The following ZNF616 variants were observed in gnomAD, a reference collection of about 807,000 sequenced individuals.
ZNF616 encodes the protein zinc finger protein 616.
Under a neutral mutation model 7.6 loss-of-function variants are expected in ZNF616, and 5 were observed. The ratio of observed to expected loss-of-function variants is 0.66; its 90% confidence interval spans 0.34 to 1.38. ZNF616 has a LOEUF of 1.38. Ranked by LOEUF, ZNF616 falls within the 40% of genes most tolerant of loss-of-function variation. The pLI is 0.04. For missense variants in ZNF616, 913 were observed against 948.3 expected (o/e 0.96, Z 0.49); for synonymous variants, 319 against 317.2 (o/e 1.01, Z -0.06).
chr19:52,131,954 T>G (rs1469754311), intron 1 of ZNF616, among the ~76,000 whole-genome samples: 1 of 152,032 alleles, frequency 6.6e-6, no homozygotes, highest in Non-Finnish European at 1.5e-5. Context: ...GAAAGAGGCC[T>G]GTGTGGCTGG....
intron 2 of ZNF616, among the ~76,000 whole-genome samples, chr19:52,129,599 C>T (rs1274632961): frequency 1.3e-5 from 2 of 152,106 alleles, no homozygotes; most frequent in African/African-American, 2.4e-5. Context: ...TGGCTAGAAT[C>T]TGACATTCAG....
At position 52,116,336 on chromosome 19, in the gene ZNF616, C is replaced by T; in HGVS notation, c.828G>A (p.Lys276=). ...QKPYICNECG[K]SFSKSSHLAV... is the part of the protein sequence containing the mutation. Reference sequence around the variant, plus strand: ...CAAGGTGGGAACTTTTACTAAAGGACTTGCCACATTCATTACATATGTAGG... The same window carrying T: ...CAAGGTGGGAACTTTTACTAAAGGATTTGCCACATTCATTACATATGTAGG... The change falls in exon 4 of 4, where the codon AAG becomes AAA. Residue 276 remains lysine, a synonymous_variant. Coordinates refer to ENST00000600228, the MANE Select transcript of ZNF616 (RefSeq NM_178523.5). The T allele has an allele frequency of 1.2e-6, 2 of 1,614,138 alleles. No homozygotes were observed. Among genetic ancestry groups the T allele is most frequent in the Middle Eastern group, 1.6e-4 (1 of 6,062 alleles).
intron 3 of ZNF616, among the ~76,000 whole-genome samples, chr19:52,117,356 T>C (rs1019779370): frequency 3.3e-5 from 5 of 152,178 alleles, no homozygotes. Flanking sequence ...GCAGAAAATG[T>C]GGCTCTCTCA....
At chr19:52,136,902 AAAAAAAC>A (rs1262462649) in intron 1 of ZNF616, among the ~76,000 whole-genome samples, 2 of 152,058 alleles carry the variant, frequency 1.3e-5, no homozygotes, top group South Asian at 2.1e-4. Flanking sequence ...GTCTCTACTT[AAAAAAAC>A]AAAAAACAAA....
intron 2 of ZNF616, among the ~76,000 whole-genome samples, chr19:52,125,288 A>T (rs1168397993): frequency 6.6e-6 from 1 of 152,232 alleles, no homozygotes; most frequent in Non-Finnish European, 1.5e-5. Flanking sequence ...AATGTGTTTC[A>T]TCCTGAGGCA....
chr19:52,124,110 TGAGGA>T, intron 2 of ZNF616, 61 bp from the exon 3 acceptor site: 2 of 1,543,742 alleles, frequency 1.3e-6, no homozygotes, highest in South Asian at 2.6e-5. Flanking sequence ...TTACACAAAA[TGAGGA>T]GAGAACTATC....
Position 52,114,791 on chromosome 19 carries a change from C to A in ZNF616, c.*27G>T, listed in dbSNP as rs16983489. On this transcript the variant is annotated 3_prime_UTR_variant, in exon 4 of 4. Coordinates refer to ENST00000600228, the MANE Select transcript of ZNF616 (RefSeq NM_178523.5). Reference sequence around the variant, plus strand: ...GGTATATCAGTAAGTAGGAATTATTCGGTGATTCCAGAAACTAGGACAACG... The same window carrying A: ...GGTATATCAGTAAGTAGGAATTATTAGGTGATTCCAGAAACTAGGACAACG... 2 of 1,532,488 alleles carry A rather than the reference C, an allele frequency of 1.3e-6. No homozygotes were observed. Among genetic ancestry groups the A allele is most frequent in the Non-Finnish European group, 1.7e-6 (2 of 1,144,850 alleles). The allele number at this position is 1,532,488 out of a possible 1,614,324, so 94.9% of individuals were successfully genotyped here.
chr19:52,119,194 T>C (rs1306964546), intron 3 of ZNF616, among the ~76,000 whole-genome samples: 2 of 151,806 alleles, frequency 1.3e-5, no homozygotes, highest in Non-Finnish European at 2.9e-5. Flanking sequence ...CCGGCCAAGA[T>C]GATGAAACCC....
rs1384043434 is a variant in ZNF616, at chr19:52,139,913, C to T, written c.-258G>A. 6.6e-6 allele frequency: 1 copy of T among 152,236 alleles called. No individual in the cohort carries two copies. The highest frequency in any genetic ancestry group is 1.9e-4 in the East Asian group (1 of 5,172). The allele number at this position is 152,236 out of a possible 1,614,324, so 9.4% of individuals were successfully genotyped here. A position where few individuals can be genotyped will look rare whatever the true frequency, so the allele number is the denominator to read the frequency against. ...ACACACACACAGCGATAAGGCCTTT[C>T]CCTGGCGCAATCTGCTTCCGGGAGT... On this transcript the variant is annotated 5_prime_UTR_variant, in exon 1 of 4. Transcript: ENST00000600228. The surrounding 1 kb of genome is among the most constrained non-coding windows in gnomAD (Gnocchi z 4.1).
Position 52,115,182 on chromosome 19 carries a change from T to A in ZNF616, c.1982A>T (p.Tyr661Phe). Residue 661 changes from tyrosine to phenylalanine, a missense_variant, in exon 4 of 4, where the codon TAC (tyrosine) becomes TTC (phenylalanine). By Grantham distance (22) the Tyr-to-Phe change is conservative (BLOSUM62 3). Transcript: ENST00000600228. Reference sequence around the variant, plus strand: ...GGTTTTGCCACACTCATTACATTTGTAAGGTCTGTCTCCAGTATGAACAGT... The same window carrying A: ...GGTTTTGCCACACTCATTACATTTGAAAGGTCTGTCTCCAGTATGAACAGT... ...HQTVHTGDRP[Y>F]KCNECGKTFK... The A allele has an allele frequency of 3.1e-6, 5 of 1,614,152 alleles. No homozygotes were observed. The highest frequency in any genetic ancestry group is 4.2e-6 in the Non-Finnish European group (5 of 1,180,010).
rs1482707862 is a variant in ZNF616 at position 52,115,777 on chromosome 19, T to C, written c.1387A>G (p.Lys463Glu). Residue 463 changes from lysine to glutamate, a missense_variant, in exon 4 of 4, where the codon AAA becomes GAA. By Grantham distance (56) the Lys-to-Glu change is moderately conservative. Coordinates refer to ENST00000600228, the MANE Select transcript of ZNF616 (RefSeq NM_178523.5). ...CCACATTCATTGCATTTATAAGCTT[T>C]CTCGCCGGTATGAATTCTCCAATGC... Reference protein sequence around the residue: ...AVHWRIHTGEKAYKCNECGKV... With the variant: ...AVHWRIHTGEEAYKCNECGKV... 6.2e-7 allele frequency: 1 copy of C among 1,609,670 alleles called. No individual in the cohort carries two copies. The highest frequency in any genetic ancestry group is 8.5e-7 in the Non-Finnish European group (1 of 1,178,010).
Position 52,113,878 on chromosome 19 carries a change from T to C in ZNF616, c.*940A>G, listed in dbSNP as rs2088791755. On this transcript the variant is annotated 3_prime_UTR_variant, in exon 4 of 4. Coordinates refer to ENST00000600228, the MANE Select transcript of ZNF616 (RefSeq NM_178523.5). ...AGTCTATCACTGATAAGCATTTGGG[T>C]TGATTCCAGGTCTTTGAACATTTCA... 2 of 152,200 alleles carry C rather than the reference T, an allele frequency of 1.3e-5. No homozygotes were observed. The highest frequency in any genetic ancestry group is 6.5e-5 in the Admixed American group (1 of 15,280). 9.4% of individuals were successfully genotyped at this position (152,200 alleles called of 1,614,324 possible). A position where few individuals can be genotyped will look rare whatever the true frequency, so the allele number is the denominator to read the frequency against.
In ZNF616 at chr19:52,116,701, G is replaced by A; in HGVS notation, c.463C>T (p.Gln155Ter). 1 of 1,614,076 alleles carries A rather than the reference G, an allele frequency of 6.2e-7. No individual in the cohort carries two copies. Among genetic ancestry groups the A allele is most frequent in the Non-Finnish European group, 8.5e-7 (1 of 1,180,024 alleles). The change falls in exon 4 of 4, where the codon CAA (glutamine) becomes TAA (stop). Residue 155 changes from glutamine to a stop codon, truncating the protein, a stop_gained. Coordinates refer to ENST00000600228, the MANE Select transcript of ZNF616 (RefSeq NM_178523.5). LOFTEE classifies it low-confidence loss of function (END_TRUNC). ...ESRLAELQKV[Q>*]TEGRLYECNE... ...CATTCATAAAGTCTCCCTTCAGTTT[G>A]AACTTTCTGCAGTTCAGCCAGACGT...
At chr19:52,130,403 GAGA>G (rs113962292) in intron 2 of ZNF616, 95 bp downstream of exon 2, 21 of 1,094,042 alleles carry the variant, frequency 1.9e-5, no homozygotes, top group African/African-American at 9.2e-5. Flanking sequence ...TTCAGACTCA[GAGA>G]AGATTTGCAA....
intron 3 of ZNF616, among the ~76,000 whole-genome samples, chr19:52,123,108 A>C (rs80072633): frequency 0.061 from 9,235 of 152,274 alleles, 580 homozygotes; most frequent in South Asian, 0.27. Context: ...AATGATATAC[A>C]TTCCCCAATA....
chr19:52,118,738 A>C (rs2088844908), intron 3 of ZNF616, among the ~76,000 whole-genome samples: 1 of 152,244 alleles, frequency 6.6e-6, no homozygotes, highest in East Asian at 1.9e-4. Flanking sequence ...AACAATGTTG[A>C]TATGCTTTAT....
chr19:52,119,730 G>A (rs2088852242), intron 3 of ZNF616, among the ~76,000 whole-genome samples: 1 of 152,180 alleles, frequency 6.6e-6, no homozygotes, highest in Non-Finnish European at 1.5e-5. Context: ...TTAAATACGT[G>A]AATTATACTA....
intron 2 of ZNF616, among the ~76,000 whole-genome samples, chr19:52,127,751 G>C (rs919442365): frequency 1.3e-5 from 2 of 152,206 alleles, no homozygotes; most frequent in East Asian, 1.9e-4. Context: ...CAGCCATGGT[G>C]AAAAATTATA....
intron 1 of ZNF616, among the ~76,000 whole-genome samples, chr19:52,131,250 A>C (rs1344367533): frequency 1.4e-5 from 2 of 141,424 alleles, no homozygotes; most frequent in Non-Finnish European, 3.0e-5. Flanking sequence ...CCTGGGCGAC[A>C]GAGACTCTGT....
Sources: allele counts gnomAD v4.1 joint callset (sites outside exome capture counted in the v4.1 genomes callset), GRCh38; gene constraint gnomAD v4.1.1; non-coding constraint Gnocchi (gnomAD v3.1); transcripts MANE v1.5; gene names NCBI Gene and HGNC (gene_info 2026-07-23, HGNC 2026-07-21).